Variants in HELZ2 observed in about 807,000 individuals in gnomAD.
HELZ2 encodes the protein helicase with zinc finger 2, also known as 3'-5' exoribonuclease HELZ2.
HELZ2 carries 143 observed loss-of-function variants against 208.8 expected under a neutral mutation model. The ratio of observed to expected loss-of-function variants is 0.68; its 90% CI spans 0.60 to 0.79. HELZ2 has a LOEUF of 0.79. Among genes scored for constraint, HELZ2 ranks in the 30% least tolerant of loss-of-function variants. The pLI is 0.00. For missense variants in HELZ2, 3,690 were observed against 3,794.5 expected, an observed-to-expected ratio of 0.97 and a Z score of 0.72; for synonymous variants, 1,705 against 1,693.7, an observed-to-expected ratio of 1.01 and a Z score of -0.16.
At chr20:63,566,333 GTA>G (rs1569034760) in intron 7 of HELZ2, 43 bp downstream of exon 8, 1 of 1,533,120 alleles carries the variant, frequency 6.5e-7, no homozygotes, top group East Asian at 2.4e-5. Flanking sequence ...GCCACCCGGG[GTA>G]TCCTGGGGCA....
chr20:63,559,136 C>T (rs2082847234), downstream of HELZ2: 2 of 1,237,252 alleles, frequency 1.6e-6, no homozygotes, highest in Non-Finnish European at 2.2e-6. Flanking sequence ...GATCCTGAGG[C>T]CAGGAGGCAG....
chr20:63,560,290 A>G (rs1281115200), exon 17 of HELZ2: 4 of 1,561,158 alleles, frequency 2.6e-6, no homozygotes, highest in Non-Finnish European at 8.6e-7. Context: ...CTGGGGCTCT[A>G]CGGTCCTCCC....
At chr20:63,564,289 G>T in exon 8 of HELZ2, 1 of 1,608,500 alleles carries the variant, frequency 6.2e-7, no homozygotes. Flanking sequence ...TGCCGTCCTC[G>T]TCCGGCTGCT....
In HELZ2 at chr20:63,565,703, G is replaced by A. The variant is rs374824256; in HGVS notation, c.3119C>T (p.Ala1040Val). 4.3e-5 allele frequency: 69 copies of A among 1,607,736 alleles called. No individual in the cohort carries two copies. The highest frequency in any genetic ancestry group is 1.6e-4 in the Middle Eastern group (1 of 6,084). The change falls in exon 8 of 19, where the codon GCG becomes GTG. Residue 1040 changes from alanine (A) to valine (V), a missense_variant. Ala to Val is a moderately conservative substitution (Grantham distance 64, BLOSUM62 0). This residue lies in a region of HELZ2 where 2,564 missense variants were observed against 2,580.5 expected (regional missense o/e 0.99). Coordinates refer to ENST00000467148, the Ensembl canonical transcript of HELZ2. ...GCCCGCTGCAGCAGCCGCTCCTGCCGCACAGGCCCCGGGCACCACGTCTTC... is the reference window on the plus strand; with the variant it reads ...GCCCGCTGCAGCAGCCGCTCCTGCCACACAGGCCCCGGGCACCACGTCTTC...
rs766203366 is a variant in HELZ2 at position 63,563,291 on chromosome 20, G to A, written c.5531C>T (p.Ala1844Val). The change falls in exon 8 of 19, where the codon GCT becomes GTT. Residue 1844 changes from alanine (A) to valine (V), a missense_variant. Around this residue, in one of 3 missense-constraint regions of HELZ2, gnomAD observed 2,564 missense variants for 2,580.5 expected, o/e 0.99. Coordinates refer to ENST00000467148, the Ensembl canonical transcript of HELZ2. ...CTCGCCCTTCTCCTGGATGAGAGCA[G>A]CCGCCTCCGGCCAGCGCTGCAGCTC... The A allele has an allele frequency of 1.5e-5, 23 of 1,549,274 alleles. No individual in the cohort carries two copies. The African/African-American group carries it at 2.0e-4, about 14-fold the overall frequency.
intron 5 of HELZ2, chr20:63,568,005 G>A (rs750032625): frequency 6.7e-5 from 36 of 539,460 alleles, no homozygotes; most frequent in Non-Finnish European, 1.1e-4. Flanking sequence ...GGAACCAGAG[G>A]AAACCACATA....
chr20:63,559,959 G>A, exon 18 of HELZ2: 1 of 1,611,700 alleles, frequency 6.2e-7, no homozygotes, highest in Non-Finnish European at 8.5e-7. Flanking sequence ...GGGCCCGCGT[G>A]ACAGCCACAT....
rs2082964982 is a variant in HELZ2, at chr20:63,566,828, G to C, written c.2514+16C>G. 6.3e-7 allele frequency: 1 copy of C among 1,578,826 alleles called. No individual in the cohort carries two copies. Among genetic ancestry groups the C allele is most frequent in the Admixed American group, 1.7e-5 (1 of 59,232 alleles). On this transcript the variant is annotated intron_variant, in intron 6 of 18. Transcript: ENST00000467148. Reference sequence around the variant, plus strand: ...AGGGGTGCGGTCGGGGGCTGTCCCGGGCTGGCCGGGCTCACCTGGGCACCG... The same window carrying C: ...AGGGGTGCGGTCGGGGGCTGTCCCGCGCTGGCCGGGCTCACCTGGGCACCG...
At chr20:63,565,714 G>A (rs368316185) in exon 8 of HELZ2, 43 of 1,606,662 alleles carry the variant, frequency 2.7e-5, no homozygotes, top group African/African-American at 9.3e-5. Context: ...CACAGGCCCC[G>A]GGCACCACGT....
intron 18 of HELZ2, among the ~76,000 whole-genome samples, chr20:63,559,670 T>C (rs1384148165): frequency 1.3e-5 from 1 of 78,886 alleles, no homozygotes; most frequent in Non-Finnish European, 2.8e-5. Flanking sequence ...GGAGTCAGGG[T>C]CAGGTCGGAG....
chr20:63,564,072 G>T (rs1158892170), exon 8 of HELZ2: 3 of 1,607,470 alleles, frequency 1.9e-6, no homozygotes, highest in Non-Finnish European at 2.5e-6. Flanking sequence ...CCGCCGTGCA[G>T]GTGGTGGCCG....
chr20:63,567,116 C>T lies in HELZ2; in HGVS notation c.2242G>A (p.Ala748Thr), dbSNP rs752491032. The change falls in exon 6 of 19, where the codon GCC (alanine) becomes ACC (threonine). Residue 748 changes from alanine (A) to threonine (T), a missense_variant. Around this residue, in one of 3 missense-constraint regions of HELZ2, gnomAD observed 1,119 missense variants for 1,193.4 expected, o/e 0.94. Transcript: ENST00000467148. ...TGCCGCGAGATGAAGCTGACAATGGCGTCCGTGCAGCGGTAGTTCTCGTGG... is the reference window on the plus strand; with the variant it reads ...TGCCGCGAGATGAAGCTGACAATGGTGTCCGTGCAGCGGTAGTTCTCGTGG... 8 of 1,611,614 alleles carry T rather than the reference C, an allele frequency of 5.0e-6. No individual in the cohort carries two copies. In the Admixed American group the frequency reaches 5.0e-5, roughly 10 times the overall value.
rs200018998 is a variant in HELZ2, at chr20:63,568,320, C to T, written c.1730+38G>A. On this transcript the variant is annotated intron_variant, in intron 5 of 18. Coordinates refer to ENST00000467148, the Ensembl canonical transcript of HELZ2. ...CTGCCCGGTGTAGACTTGGGCCGGG[C>T]GTCAGGTGAGGTGGGGGCAGGCCAG... The T allele has an allele frequency of 1.9e-4, 289 of 1,487,108 alleles. 1 individual carries two copies. The highest frequency in any genetic ancestry group is 1.7e-3 in the South Asian group (145 of 86,912). The allele number at this position is 1,487,108 out of a possible 1,614,324, so 92.1% of individuals were successfully genotyped here.
rs747853445 is a variant in HELZ2, at chr20:63,561,065, AC to A, written c.7146+16del. On this transcript the variant is annotated intron_variant, in intron 14 of 18. Coordinates refer to ENST00000467148, the Ensembl canonical transcript of HELZ2. ...AGGGACGCCTGCTCATGCTGCCCACACCCCCCGCCGACCAACCTTCTCGGCC... is the reference window on the plus strand; with the variant it reads ...AGGGACGCCTGCTCATGCTGCCCACACCCCCGCCGACCAACCTTCTCGGCC... 1.4e-5 allele frequency: 22 copies of A among 1,604,568 alleles called. No individual in the cohort carries two copies. The East Asian group carries it at 4.2e-4, about 31-fold the overall frequency.
At position 63,565,607 on chromosome 20, in the gene HELZ2, T is replaced by A. The variant is rs1257183990; in HGVS notation, c.3215A>T (p.Asp1072Val). The A allele has an allele frequency of 4.3e-6, 7 of 1,610,058 alleles. No homozygotes were observed. The Admixed American group carries it at 1.0e-4, about 23-fold the overall frequency. ...GTCCAGAAGCTCCCGTAGGATGGCG[T>A]CGTCAGCGTTGAGCTCCCCGTCCCA... Residue 1072 changes from aspartate (D) to valine (V), a missense_variant, in exon 8 of 19, where the codon GAC becomes GTC. Coordinates refer to ENST00000467148, the Ensembl canonical transcript of HELZ2.
chr20:63,562,242 G>A (rs1232824856), intron 9 of HELZ2, 39 bp from the exon 11 acceptor site: 3 of 1,605,412 alleles, frequency 1.9e-6, no homozygotes, highest in Non-Finnish European at 2.6e-6. Flanking sequence ...CATGCAGGGT[G>A]GGGCTGGGGG....
At chr20:63,558,256 G>T (rs747060324), downstream of HELZ2, 1 of 152,368 alleles carries the variant, frequency 6.6e-6, no homozygotes, top group Non-Finnish European at 1.5e-5. Context: ...ACATACAGCC[G>T]AGCAGGCTGC....
At chr20:63,573,001 A>G (rs2083029589), upstream of HELZ2, 1 of 152,418 alleles carries the variant, frequency 6.6e-6, no homozygotes, top group African/African-American at 2.4e-5. This position sits in a 1 kb window ranked among gnomAD's most constrained non-coding sequence, Gnocchi z 4.9. Flanking sequence ...AGGTGCTTTC[A>G]TTGAGCCGCT....
intron 18 of HELZ2, 122 bp downstream of exon 19, chr20:63,559,806 G>C: frequency 2.5e-6 from 2 of 810,018 alleles, no homozygotes; most frequent in Non-Finnish European, 4.0e-6. Flanking sequence ...GGAGGAGTCA[G>C]GGTCAGGTGG....
Sources: gnomAD v4.1 joint callset for allele counts (sites outside exome capture counted in the v4.1 genomes callset) on GRCh38, gnomAD v4.1.1 for gene constraint, gnomAD v4.1.1 regional missense constraint, Gnocchi (gnomAD v3.1) non-coding constraint, MANE v1.5 for transcripts, NCBI Gene and HGNC (gene_info 2026-07-23, HGNC 2026-07-21) for gene names.